Variants in TRMT11 observed in about 807,000 individuals in gnomAD.
TRMT11 encodes the protein tRNA (guanine(10)-N(2))-methyltransferase TRMT11.
A neutral mutation model predicts 62.8 loss-of-function variants in TRMT11; 53 were observed. That is an observed-to-expected ratio of 0.84 (90% CI 0.68 to 1.06). The LOEUF (loss-of-function observed/expected upper bound fraction) is 1.06, where lower values mean the gene tolerates loss of function less well. Ranked by LOEUF, TRMT11 falls within the 50% of genes least tolerant of loss-of-function variation. The probability of loss-of-function intolerance (pLI) is 0.00; values close to 1 mark genes in which losing one functional copy is unlikely to be tolerated. For synonymous variants in TRMT11, 188 were observed against 190.3 expected, an observed-to-expected ratio of 0.99 and a Z score of 0.10; for missense variants, 556 against 553.4, an observed-to-expected ratio of 1.00 and a Z score of -0.05.
chr6:126,205,489 G>T (rs188241635), downstream of TRMT11, among the ~76,000 whole-genome samples: 13 of 152,220 alleles, frequency 8.5e-5, no homozygotes, highest in East Asian at 2.5e-3. Flanking sequence ...GGGTGACAGA[G>T]TGAGACTCCA....
chr6:125,988,402 G>A (rs1263869885), intron 1 of TRMT11, among the ~76,000 whole-genome samples: 4 of 152,142 alleles, frequency 2.6e-5, no homozygotes, highest in African/African-American at 9.7e-5. Flanking sequence ...TAGGGTGAAA[G>A]GAGGATTCTC....
At chr6:126,009,257 A>G (rs1352895176) in intron 8 of TRMT11, 1 of 152,012 alleles carries the variant, frequency 6.6e-6, no homozygotes, top group South Asian at 2.1e-4. Context: ...ATAACTGACC[A>G]AAACCTCTTT....
At chr6:126,258,053 C>T in the TRMT11 span, 1 of 1,257,048 alleles carries the variant, frequency 8.0e-7, no homozygotes, top group Non-Finnish European at 1.2e-6. Flanking sequence ...CATCCTCACT[C>T]TCCATGTCCA....
At chr6:126,155,251 A>C (rs1778103767) in intron 21 of TRMT11, among the ~76,000 whole-genome samples, 1 of 152,088 alleles carries the variant, frequency 6.6e-6, no homozygotes, top group African/African-American at 2.4e-5. Flanking sequence ...GGTGCCACAC[A>C]CTTTCAAAGA....
At chr6:126,186,026 A>G (rs1269819180) in intron 1 of TRMT11, among the ~76,000 whole-genome samples, 5 of 152,170 alleles carry the variant, frequency 3.3e-5, no homozygotes, top group Non-Finnish European at 4.4e-5. Flanking sequence ...TGGGGACACA[A>G]CCAAACCATA....
chr6:126,229,482 A>G, the TRMT11 span, among the ~76,000 whole-genome samples: 7 of 152,224 alleles, frequency 4.6e-5, no homozygotes, highest in African/African-American at 1.7e-4. Context: ...TTGTAATCAC[A>G]TTGAAAAGGC....
downstream of TRMT11, among the ~76,000 whole-genome samples, chr6:126,206,910 T>C (rs1009093073): frequency 1.3e-5 from 2 of 152,244 alleles, no homozygotes; most frequent in African/African-American, 2.4e-5. Flanking sequence ...AAAGTATAAA[T>C]TAAAGCAGTA....
the TRMT11 span, among the ~76,000 whole-genome samples, chr6:126,225,685 AT>A: frequency 0.034 from 3,275 of 95,134 alleles, 128 homozygotes; most frequent in African/African-American, 0.14. Flanking sequence ...TATGTTTACT[AT>A]TTTTTTTTTT....
At chr6:126,171,193 C>T (rs1302217060) in intron 21 of TRMT11, among the ~76,000 whole-genome samples, 2 of 151,890 alleles carry the variant, frequency 1.3e-5, no homozygotes, top group Non-Finnish European at 2.9e-5. Flanking sequence ...AGATAACTAT[C>T]GAAGGAGGCT....
chr6:126,221,006 T>C, the TRMT11 span, among the ~76,000 whole-genome samples: 5 of 152,224 alleles, frequency 3.3e-5, no homozygotes, highest in Non-Finnish European at 7.3e-5. Flanking sequence ...GGTGAGAACA[T>C]GTGGTATTTG....
chr6:126,271,259 G>A, the TRMT11 span, among the ~76,000 whole-genome samples: 1 of 151,164 alleles, frequency 6.6e-6, no homozygotes, highest in African/African-American at 2.4e-5. Flanking sequence ...AGCTACTCAG[G>A]GGGCTGAGGC....
intron 11 of TRMT11, among the ~76,000 whole-genome samples, chr6:126,015,154 T>C (rs966013070): frequency 6.6e-6 from 1 of 152,032 alleles, no homozygotes; most frequent in African/African-American, 2.4e-5. Flanking sequence ...AAAACTCCCA[T>C]CTCTACCCTT....
chr6:126,156,729 G>A (rs1778126634), intron 21 of TRMT11, among the ~76,000 whole-genome samples: 1 of 152,078 alleles, frequency 6.6e-6, no homozygotes, highest in Non-Finnish European at 1.5e-5. Flanking sequence ...AGAGAGAGAG[G>A]GAGGAGGTGC....
At chr6:126,190,318 G>A (rs1402930710) in intron 1 of TRMT11, among the ~76,000 whole-genome samples, 1 of 152,058 alleles carries the variant, frequency 6.6e-6, no homozygotes, top group Non-Finnish European at 1.5e-5. Flanking sequence ...GGATAATGGG[G>A]GCTGTTTCTC....
chr6:126,031,961 T>C (rs1017480727), intron 12 of TRMT11, among the ~76,000 whole-genome samples: 2 of 152,172 alleles, frequency 1.3e-5, no homozygotes, highest in African/African-American at 4.8e-5. Context: ...GTAGGGGACT[T>C]GTTGGAATTG....
At position 126,157,909 on chromosome 6, in the gene TRMT11, A is replaced by T. The variant is rs13214016; in HGVS notation, c.*1824-16916A>T. Among the ~76,000 whole-genome samples, 803 of 152,278 alleles carry T rather than the reference A, an allele frequency of 5.3e-3. 2 individuals carry two copies. The highest frequency in any genetic ancestry group is 9.1e-3 in the Non-Finnish European group (616 of 68,020). ...AATGCTCTCCCATGAATTTGTGTAC[A>T]TGTTAATGAATTGCTTAGTAAATTT... On this transcript the variant is annotated intron_variant and NMD_transcript_variant, in intron 21 of 22. Transcript: ENST00000648977.
the TRMT11 span, among the ~76,000 whole-genome samples, chr6:126,233,856 A>G: frequency 6.6e-6 from 1 of 152,146 alleles, no homozygotes; most frequent in Non-Finnish European, 1.5e-5. Context: ...CCACAAAGGG[A>G]AAATCCTAGG....
At chr6:126,206,597 G>A (rs900177486), downstream of TRMT11, among the ~76,000 whole-genome samples, 2 of 152,126 alleles carry the variant, frequency 1.3e-5, no homozygotes, top group Non-Finnish European at 2.9e-5. Context: ...CATCATTGGT[G>A]GAGATGCTAA....
intron 17 of TRMT11, among the ~76,000 whole-genome samples, chr6:126,070,063 GAC>G (rs1239994405): frequency 6.6e-6 from 1 of 152,074 alleles, no homozygotes; most frequent in African/African-American, 2.4e-5. Flanking sequence ...ACATACAAAT[GAC>G]ACATTAAATA....
Sources: allele counts gnomAD v4.1 joint callset (sites outside exome capture counted in the v4.1 genomes callset), GRCh38; gene constraint gnomAD v4.1.1; transcripts MANE v1.5; gene names NCBI Gene and HGNC (gene_info 2026-07-23, HGNC 2026-07-21).